PCDHGA9: variants seen among roughly 807,000 people sequenced by gnomAD.
The protein encoded by PCDHGA9 is protocadherin gamma subfamily A, 9.
A neutral mutation model predicts 62.5 loss-of-function variants in PCDHGA9; 37 were observed. That is an observed-to-expected ratio of 0.59 (90% CI 0.46 to 0.78). The LOEUF is 0.78. Ranked by LOEUF, PCDHGA9 falls within the 30% of genes least tolerant of loss-of-function variation. The pLI is 0.00. For synonymous variants in PCDHGA9, 459 were observed against 484.6 expected (o/e 0.95, Z 0.69); for missense variants, 1,138 against 1,166.2 (o/e 0.98, Z 0.35).
chr5:141,418,688 A>C, intron 1 of PCDHGA9: 2 of 1,614,032 alleles, frequency 1.2e-6, no homozygotes, highest in Non-Finnish European at 1.7e-6. Flanking sequence ...CAACTCAGAG[A>C]TCACTTATTC....
intron 1 of PCDHGA9, among the ~76,000 whole-genome samples, chr5:141,456,887 C>T (rs112521083): frequency 0.042 from 6,384 of 152,090 alleles, 167 homozygotes; most frequent in Middle Eastern, 0.088. Flanking sequence ...CGCTTGAACC[C>T]GGGAGGCAGA....
At position 141,491,891 on chromosome 5, in the gene PCDHGA9, G is replaced by T. The variant is rs1487484740; in HGVS notation, c.2425-2916G>T. On this transcript the variant is annotated intron_variant, in intron 1 of 3. Coordinates refer to ENST00000573521, the MANE Select transcript of PCDHGA9 (RefSeq NM_018921.3). This position sits in a 1 kb window ranked among gnomAD's most constrained non-coding sequence, Gnocchi z 6.9. ...GTGGCCGATTAAGGGATGGGGCTCC[G>T]AGCACCGGGGGTGGTGGCGACTGTG... 19 of 1,439,438 alleles carry T rather than the reference G, an allele frequency of 1.3e-5. No homozygotes were observed. The East Asian group carries it at 4.8e-4, about 36-fold the overall frequency. 89.2% of individuals were successfully genotyped at this position (1,439,438 alleles called of 1,614,324 possible). A position where few individuals can be genotyped will look rare whatever the true frequency, so the allele number is the denominator to read the frequency against.
In PCDHGA9 at chr5:141,476,401, G is replaced by A. The variant is rs772438777; in HGVS notation, c.2425-18406G>A. The A allele has an allele frequency of 1.9e-6, 3 of 1,614,054 alleles. No individual in the cohort carries two copies. Among genetic ancestry groups the A allele is most frequent in the African/African-American group, 2.7e-5 (2 of 74,926 alleles). On this transcript the variant is annotated intron_variant, in intron 1 of 3. Coordinates refer to ENST00000573521, the MANE Select transcript of PCDHGA9 (RefSeq NM_018921.3). This position sits in a 1 kb window ranked among gnomAD's most constrained non-coding sequence, Gnocchi z 7.6. ...TTGTGAACGACCGTCTGGATCGAGA[G>A]GAGCTGTGTGGGACACTGCCCTCTT...
intron 1 of PCDHGA9, chr5:141,422,847 C>G (rs1271794821): frequency 7.4e-6 from 12 of 1,614,234 alleles, no homozygotes; most frequent in Non-Finnish European, 1.0e-5. Context: ...ACAGCGGGGA[C>G]CCGCCCCTCA....
Position 141,432,632 on chromosome 5 carries a change from G to T in PCDHGA9, c.2424+27256G>T. ...CTTCTCGGTGGGTCTGCACACGGGCGAGGTGCGCACGGCGCGAGCCCTGCT... is the reference window on the plus strand; with the variant it reads ...CTTCTCGGTGGGTCTGCACACGGGCTAGGTGCGCACGGCGCGAGCCCTGCT... On this transcript the variant is annotated intron_variant, in intron 1 of 3. Transcript: ENST00000573521. This position sits in a 1 kb window ranked among gnomAD's most constrained non-coding sequence, Gnocchi z 6.0. The T allele has an allele frequency of 6.2e-7, 1 of 1,612,834 alleles. No homozygotes were observed. Among genetic ancestry groups the T allele is most frequent in the South Asian group, 1.1e-5 (1 of 90,976 alleles).
chr5:141,415,651 A>C, intron 1 of PCDHGA9: 1 of 1,595,106 alleles, frequency 6.3e-7, no homozygotes. Context: ...TAAAAAAAAA[A>C]AGATTGGTTT....
intron 1 of PCDHGA9, among the ~76,000 whole-genome samples, chr5:141,445,544 T>C (rs1223868698): frequency 6.6e-6 from 1 of 152,126 alleles, no homozygotes; most frequent in Non-Finnish European, 1.5e-5. Context: ...CAAGGAGAAA[T>C]ACAAAAGCAC....
Position 141,512,147 on chromosome 5 carries a change from GGCTGA to G in PCDHGA9, c.*978_*982del, listed in dbSNP as rs1406468661. The G allele has an allele frequency of 1.3e-5, 2 of 152,652 alleles. No homozygotes were observed. Among genetic ancestry groups the G allele is most frequent in the Admixed American group, 6.5e-5 (1 of 15,286 alleles). The allele number at this position is 152,652 out of a possible 1,614,324, so 9.5% of individuals were successfully genotyped here. A position where few individuals can be genotyped will look rare whatever the true frequency, so the allele number is the denominator to read the frequency against. On this transcript the variant is annotated 3_prime_UTR_variant, in exon 4 of 4. Coordinates refer to ENST00000573521, the MANE Select transcript of PCDHGA9 (RefSeq NM_018921.3). ...GGCTCAGCCCAGGCAGCCAGCTTTG[GGCTGA>G]GCTAACAGGACCAATGGATTAAACT... is the stretch of plus-strand genomic sequence containing the variant.
rs2095403267 is a variant in PCDHGA9, at chr5:141,410,523, A to C, written c.2424+5147A>C. 2 of 1,613,800 alleles carry C rather than the reference A, an allele frequency of 1.2e-6. No individual in the cohort carries two copies. Among genetic ancestry groups the C allele is most frequent in the African/African-American group, 2.7e-5 (2 of 74,910 alleles). ...TTCCTAAAATGCAGTGTGCCCCTAC[A>C]TTCCAATGAAGACATGGTTTGCAGT... On this transcript the variant is annotated intron_variant, in intron 1 of 3. Coordinates refer to ENST00000573521, the MANE Select transcript of PCDHGA9 (RefSeq NM_018921.3).
intron 1 of PCDHGA9, chr5:141,422,006 C>G: frequency 6.2e-7 from 1 of 1,609,754 alleles, no homozygotes; most frequent in Non-Finnish European, 8.5e-7. Flanking sequence ...AGCTCCGGAA[C>G]TCGGGTGCTG....
At chr5:141,494,223 C>T (rs1435042163) in intron 1 of PCDHGA9, among the ~76,000 whole-genome samples, 2 of 152,192 alleles carry the variant, frequency 1.3e-5, no homozygotes, top group African/African-American at 4.8e-5. Context: ...TGGCATGACT[C>T]CTAAATTAAT....
At chr5:141,460,214 G>A (rs925628892) in intron 1 of PCDHGA9, among the ~76,000 whole-genome samples, 2 of 151,896 alleles carry the variant, frequency 1.3e-5, no homozygotes, top group Admixed American at 6.6e-5. Flanking sequence ...CATTTTCTTA[G>A]TTGTGTCTTT....
At chr5:141,453,377 T>TC (rs1242854086) in intron 1 of PCDHGA9, among the ~76,000 whole-genome samples, 3 of 152,072 alleles carry the variant, frequency 2.0e-5, no homozygotes, top group Admixed American at 2.0e-4. Context: ...CAAGTGATCC[T>TC]CCTGCCTTAG....
At chr5:141,492,256 A>G (rs1323720621) in intron 1 of PCDHGA9, among the ~76,000 whole-genome samples, 1 of 151,974 alleles carries the variant, frequency 6.6e-6, no homozygotes, top group Non-Finnish European at 1.5e-5. Context: ...CGGCCCACAC[A>G]AGTTGCACGG....
intron 1 of PCDHGA9, among the ~76,000 whole-genome samples, chr5:141,492,882 C>G (rs2099744816): frequency 6.6e-6 from 1 of 152,218 alleles, no homozygotes; most frequent in Admixed American, 6.5e-5. Context: ...CCCAGAGATA[C>G]AGGCTTTTGG....
At position 141,486,579 on chromosome 5, in the gene PCDHGA9, G is replaced by A. The variant is rs747583158; in HGVS notation, c.2425-8228G>A. On this transcript the variant is annotated intron_variant, in intron 1 of 3. Coordinates refer to ENST00000573521, the MANE Select transcript of PCDHGA9 (RefSeq NM_018921.3). The surrounding 1 kb of genome is among the most constrained non-coding windows in gnomAD (Gnocchi z 5.0). ...GAGGTGTTTGTTCCTGAGAACAATC[G>A]CCCAGGGGACCTGCTTTGCTCCCTT... is the stretch of plus-strand genomic sequence containing the variant. The A allele has an allele frequency of 5.1e-5, 82 of 1,613,426 alleles. No homozygotes were observed. Among genetic ancestry groups the A allele is most frequent in the South Asian group, 2.2e-4 (20 of 91,084 alleles).
chr5:141,469,552 C>G (rs956606902), intron 1 of PCDHGA9, among the ~76,000 whole-genome samples: 1 of 151,910 alleles, frequency 6.6e-6, no homozygotes, highest in African/African-American at 2.4e-5. Context: ...TCCAGCCTGG[C>G]GACAGAGTGA....
In PCDHGA9 at chr5:141,473,538, T is replaced by C. The variant is rs544537855; in HGVS notation, c.2425-21269T>C. Among the ~76,000 whole-genome samples, 58 of 152,328 alleles carry C rather than the reference T, an allele frequency of 3.8e-4. 1 individual carries two copies. Among genetic ancestry groups the C allele is most frequent in the African/African-American group, 1.3e-3 (55 of 41,576 alleles). Reference sequence around the variant, plus strand: ...AAGGATCCTGGTTTTAACTGGGGCCTAATGGAAGACCTCTATTAGGAAATA... The same window carrying C: ...AAGGATCCTGGTTTTAACTGGGGCCCAATGGAAGACCTCTATTAGGAAATA... On this transcript the variant is annotated intron_variant, in intron 1 of 3. Coordinates refer to ENST00000573521, the MANE Select transcript of PCDHGA9 (RefSeq NM_018921.3).
chr5:141,511,728 A>C lies in PCDHGA9; in HGVS notation c.*555A>C, dbSNP rs904031366. 2.2e-5 allele frequency: 4 copies of C among 177,940 alleles called. No homozygotes were observed. The highest frequency in any genetic ancestry group is 7.0e-5 in the African/African-American group (3 of 42,626). 11.0% of individuals were successfully genotyped at this position (177,940 alleles called of 1,614,324 possible). ...TCACCTCCTTCCAGAGCCCAAGATC[A>C]ATGCTCAAGTTTTGGAGGACATGAT... On this transcript the variant is annotated 3_prime_UTR_variant, in exon 4 of 4. Coordinates refer to ENST00000573521, the MANE Select transcript of PCDHGA9 (RefSeq NM_018921.3).
Sources: allele counts gnomAD v4.1 joint callset (sites outside exome capture counted in the v4.1 genomes callset), GRCh38; gene constraint gnomAD v4.1.1; non-coding constraint Gnocchi (gnomAD v3.1); transcripts MANE v1.5; gene names NCBI Gene and HGNC (gene_info 2026-07-23, HGNC 2026-07-21).